The following SOX5 variants were observed in gnomAD, a reference collection of about 807,000 sequenced individuals.
SOX5 encodes the protein SRY-box transcription factor 5.
SOX5 carries 9 observed loss-of-function variants against 92.0 expected under a neutral mutation model. The ratio of observed to expected loss-of-function variants is 0.10; its 90% CI spans 0.06 to 0.17. The LOEUF (loss-of-function observed/expected upper bound fraction) is 0.17, where lower values mean the gene tolerates loss of function less well. Among genes scored for constraint, SOX5 ranks in the 10% least tolerant of loss-of-function variants. The pLI is 1.00. For synonymous variants in SOX5, 344 were observed against 336.3 expected, an observed-to-expected ratio of 1.02 and a Z score of -0.25; for missense variants, 642 against 944.5, an observed-to-expected ratio of 0.68 and a Z score of 4.20.
chr12:24,181,031 G>T (rs757515813), intron 4 of SOX5, among the ~76,000 whole-genome samples: 18 of 152,098 alleles, frequency 1.2e-4, no homozygotes, highest in Admixed American at 3.3e-4. Flanking sequence ...GCTTCTTATT[G>T]CATGGTTCTC....
At chr12:24,379,158 G>C (rs1957571544) in intron 1 of SOX5, among the ~76,000 whole-genome samples, 1 of 152,192 alleles carries the variant, frequency 6.6e-6, no homozygotes, top group Non-Finnish European at 1.5e-5. Context: ...TTAGCTGAAA[G>C]TATTCAAAAC....
At chr12:23,997,326 T>G (rs1430269471) in intron 4 of SOX5, among the ~76,000 whole-genome samples, 1 of 152,148 alleles carries the variant, frequency 6.6e-6, no homozygotes, top group Non-Finnish European at 1.5e-5. Context: ...GAGCTAAGTT[T>G]GGAAAGGTCC....
chr12:24,339,163 C>CCCCACACACACACACACACACA (rs141671017), intron 2 of SOX5, among the ~76,000 whole-genome samples: 2 of 140,382 alleles, frequency 1.4e-5, no homozygotes, highest in Non-Finnish European at 1.5e-5. Context: ...TCTCTCTCTG[C>CCCCACACACACACACACACACA]CACACACACA....
chr12:23,725,737 G>A (rs1247052581), intron 6 of SOX5, among the ~76,000 whole-genome samples: 2 of 150,156 alleles, frequency 1.3e-5, no homozygotes, highest in Non-Finnish European at 1.5e-5. Flanking sequence ...GTCAGATGAT[G>A]GAGCATTATC....
intron 4 of SOX5, among the ~76,000 whole-genome samples, chr12:24,117,521 G>A (rs1948148166): frequency 6.6e-6 from 1 of 152,152 alleles, no homozygotes; most frequent in Non-Finnish European, 1.5e-5. Flanking sequence ...GCCCTCCCAT[G>A]TGCATTTCAG....
intron 2 of SOX5, among the ~76,000 whole-genome samples, chr12:23,870,999 A>G (rs1199751857): frequency 6.6e-6 from 1 of 152,152 alleles, no homozygotes; most frequent in Non-Finnish European, 1.5e-5. Flanking sequence ...TCAATGTAAC[A>G]GAAATACTTA....
intron 1 of SOX5, among the ~76,000 whole-genome samples, chr12:24,436,440 C>A (rs1939444312): frequency 6.6e-6 from 1 of 152,208 alleles, no homozygotes; most frequent in Non-Finnish European, 1.5e-5. Flanking sequence ...ACAACGTATT[C>A]CCTTAACCCA....
At chr12:24,018,433 C>T (rs1037829908) in intron 4 of SOX5, among the ~76,000 whole-genome samples, 4 of 152,150 alleles carry the variant, frequency 2.6e-5, no homozygotes. Context: ...TACAGAAAAT[C>T]AGGCTTTGAA....
intron 1 of SOX5, among the ~76,000 whole-genome samples, chr12:23,901,229 C>T (rs773089254): frequency 2.6e-4 from 39 of 151,996 alleles, no homozygotes; most frequent in Non-Finnish European, 5.0e-4. Context: ...GAAGATGAGG[C>T]CGTGAACCAA....
At chr12:24,301,602 G>A (rs1161985395) in intron 2 of SOX5, among the ~76,000 whole-genome samples, 1 of 152,194 alleles carries the variant, frequency 6.6e-6, no homozygotes, top group Non-Finnish European at 1.5e-5. Flanking sequence ...AGCAAAGGGA[G>A]ATGAATATTT....
At position 24,470,251 on chromosome 12, in the gene SOX5, G is replaced by A. The variant is rs1006039547; in HGVS notation, c.-251+92078C>T. Among the ~76,000 whole-genome samples the A allele has an allele frequency of 4.6e-5, 7 of 152,068 alleles. No individual in the cohort carries two copies. In the East Asian group the frequency reaches 5.8e-4, roughly 13 times the overall value. ...ACCCACATCTATATTATATCATCTC[G>A]AAGCATCATTACGACATCAGCCTCA... On this transcript the variant is annotated intron_variant, in intron 1 of 4. Transcript: ENST00000446891.
chr12:24,036,298 G>A (rs1487934244), intron 4 of SOX5, among the ~76,000 whole-genome samples: 1 of 152,094 alleles, frequency 6.6e-6, no homozygotes, highest in Non-Finnish European at 1.5e-5. Context: ...TGGGCCTTAG[G>A]AAGGGGGTAG....
At chr12:24,373,877 A>G (rs1350063208) in intron 1 of SOX5, among the ~76,000 whole-genome samples, 1 of 152,172 alleles carries the variant, frequency 6.6e-6, no homozygotes, top group Non-Finnish European at 1.5e-5. Context: ...TTATCCTTTC[A>G]AGAGGAGGTT....
At chr12:24,256,293 C>T (rs903945137) in intron 3 of SOX5, among the ~76,000 whole-genome samples, 1 of 152,166 alleles carries the variant, frequency 6.6e-6, no homozygotes, top group African/African-American at 2.4e-5. Context: ...CACCTTTTAG[C>T]TCAGCTTTCA....
intron 10 of SOX5, 80 bp from the exon 11 acceptor site, chr12:23,563,483 C>A (rs1946565487): frequency 2.3e-6 from 3 of 1,281,766 alleles, no homozygotes; most frequent in South Asian, 1.4e-5. Flanking sequence ...AATCACTTTT[C>A]TTGGTAATAG....
chr12:24,447,216 T>C (rs1941616465), intron 1 of SOX5, among the ~76,000 whole-genome samples: 1 of 152,070 alleles, frequency 6.6e-6, no homozygotes, highest in Admixed American at 6.6e-5. Context: ...TAGAGAAACC[T>C]TGGCCAGGTG....
At chr12:23,942,022 C>A (rs551854477) in intron 1 of SOX5, among the ~76,000 whole-genome samples, 1 of 151,250 alleles carries the variant, frequency 6.6e-6, no homozygotes, top group African/African-American at 2.4e-5. Context: ...CCAACAAACA[C>A]TGGCCCAGGG....
chr12:23,953,160 CAG>C, upstream of SOX5, among the ~76,000 whole-genome samples: 1 of 152,158 alleles, frequency 6.6e-6, no homozygotes, highest in South Asian at 2.1e-4. Context: ...GCATTTCTGT[CAG>C]ACTTTAGAAT....
At chr12:23,547,808 G>T (rs1943421710) in intron 11 of SOX5, among the ~76,000 whole-genome samples, 1 of 152,024 alleles carries the variant, frequency 6.6e-6, no homozygotes, top group Non-Finnish European at 1.5e-5. Context: ...GTTGAAATAA[G>T]TTACGCATTT....
Sources: allele counts gnomAD v4.1 joint callset (sites outside exome capture counted in the v4.1 genomes callset), GRCh38; gene constraint gnomAD v4.1.1; transcripts MANE v1.5; gene names NCBI Gene and HGNC (gene_info 2026-07-23, HGNC 2026-07-21).